Variants in SETBP1 observed in about 807,000 individuals in gnomAD.
SETBP1 encodes the protein SET binding protein 1.
In SETBP1, 9 loss-of-function variants were observed where a neutral mutation model predicts 101.0. The ratio of observed to expected loss-of-function variants is 0.09; its 90% CI spans 0.05 to 0.16. The LOEUF (loss-of-function observed/expected upper bound fraction) is 0.16. Among genes scored for constraint, SETBP1 ranks in the 10% least tolerant of loss-of-function variants. SETBP1 has a pLI of 1.00. For synonymous variants in SETBP1, 818 were observed against 788.5 expected (o/e 1.04, Z -0.63); for missense variants, 1,858 against 2,033.8 (o/e 0.91, Z 1.66).
intron 3 of SETBP1, among the ~76,000 whole-genome samples, chr18:44,917,095 C>A (rs370178562): frequency 6.6e-6 from 1 of 152,300 alleles, no homozygotes; most frequent in East Asian, 1.9e-4. Context: ...TGGAGATAGC[C>A]CTATTCTCCA....
intron 2 of SETBP1, among the ~76,000 whole-genome samples, chr18:44,839,715 T>C (rs1024979634): frequency 6.6e-6 from 1 of 152,188 alleles, no homozygotes; most frequent in Non-Finnish European, 1.5e-5. Flanking sequence ...AGGTCTGAGA[T>C]GAAAGATAGA....
At chr18:44,846,105 G>A (rs1269446634) in intron 2 of SETBP1, among the ~76,000 whole-genome samples, 1 of 152,170 alleles carries the variant, frequency 6.6e-6, no homozygotes, top group African/African-American at 2.4e-5. Flanking sequence ...TCCTTAATGG[G>A]CTGCAGTCTC....
At chr18:44,937,686 C>T (rs2070994478) in intron 3 of SETBP1, among the ~76,000 whole-genome samples, 1 of 152,138 alleles carries the variant, frequency 6.6e-6, no homozygotes, top group Non-Finnish European at 1.5e-5. Flanking sequence ...ATCTCAGATG[C>T]TAGTCCTTGA....
intron 2 of SETBP1, among the ~76,000 whole-genome samples, chr18:44,749,532 C>T (rs185158862): frequency 6.6e-6 from 1 of 152,274 alleles, no homozygotes; most frequent in East Asian, 1.9e-4. Flanking sequence ...GAAGCAATTT[C>T]TTCTTTTAGC....
intron 1 of SETBP1, among the ~76,000 whole-genome samples, chr18:44,689,408 C>T (rs2068892123): frequency 2.0e-5 from 3 of 152,182 alleles, no homozygotes; most frequent in Admixed American, 2.0e-4. Context: ...ACCCAGGGCC[C>T]TCTATGTCAG....
At chr18:44,764,114 T>G (rs2070715260) in intron 2 of SETBP1, among the ~76,000 whole-genome samples, 1 of 152,250 alleles carries the variant, frequency 6.6e-6, no homozygotes, top group Admixed American at 6.5e-5. Context: ...TGGCTCCCCA[T>G]TTCATTTTGT....
intron 2 of SETBP1, among the ~76,000 whole-genome samples, chr18:44,724,504 C>T (rs2069665924): frequency 6.6e-6 from 1 of 152,156 alleles, no homozygotes; most frequent in Non-Finnish European, 1.5e-5. Context: ...GATTGTCTCT[C>T]ATCCACTGTG....
chr18:44,852,968 G>A (rs997321387), intron 2 of SETBP1, among the ~76,000 whole-genome samples: 7 of 152,206 alleles, frequency 4.6e-5, no homozygotes, highest in Non-Finnish European at 1.0e-4. Context: ...GGAGGGAAGG[G>A]AGATAAGTGG....
At chr18:44,864,652 T>C (rs933400460) in intron 2 of SETBP1, among the ~76,000 whole-genome samples, 1 of 152,128 alleles carries the variant, frequency 6.6e-6, no homozygotes, top group African/African-American at 2.4e-5. Context: ...AATTTTCTCC[T>C]TCCTTTGCCT....
chr18:44,899,651 T>C (rs993849297), intron 3 of SETBP1, among the ~76,000 whole-genome samples: 1 of 152,204 alleles, frequency 6.6e-6, no homozygotes, highest in African/African-American at 2.4e-5. Context: ...TCTGAAATTC[T>C]TAATCTTTGA....
intron 2 of SETBP1, among the ~76,000 whole-genome samples, chr18:44,761,771 C>T (rs544089319): frequency 2.6e-5 from 4 of 152,176 alleles, no homozygotes; most frequent in Non-Finnish European, 4.4e-5. Context: ...TGTATATGAG[C>T]CTCGTGATAA....
At chr18:44,942,588 G>A (rs900418539) in intron 3 of SETBP1, among the ~76,000 whole-genome samples, 5 of 152,148 alleles carry the variant, frequency 3.3e-5, no homozygotes, top group Non-Finnish European at 5.9e-5. Context: ...GAAAACTAGG[G>A]CTACTCTGGA....
At chr18:44,955,750 C>T (rs560687879) in intron 4 of SETBP1, among the ~76,000 whole-genome samples, 1 of 152,166 alleles carries the variant, frequency 6.6e-6, no homozygotes, top group East Asian at 1.9e-4. Context: ...GAACACAGCT[C>T]TTGGTGCCCA....
intron 2 of SETBP1, among the ~76,000 whole-genome samples, chr18:44,843,356 A>G (rs1355199935): frequency 6.6e-6 from 1 of 152,140 alleles, no homozygotes; most frequent in East Asian, 1.9e-4. Flanking sequence ...ACTCATGCAC[A>G]CCACACCCCT....
At chr18:45,000,839 T>C (rs2072603201) in intron 4 of SETBP1, among the ~76,000 whole-genome samples, 1 of 146,418 alleles carries the variant, frequency 6.8e-6, no homozygotes, top group African/African-American at 2.6e-5. Flanking sequence ...TAGGAAGCTC[T>C]GTACTAGACA....
At chr18:44,894,391 C>T (rs953224777) in intron 3 of SETBP1, among the ~76,000 whole-genome samples, 9 of 151,836 alleles carry the variant, frequency 5.9e-5, no homozygotes, top group African/African-American at 2.2e-4. Flanking sequence ...GATCATCTTA[C>T]TTGGATCATT....
intron 2 of SETBP1, among the ~76,000 whole-genome samples, chr18:44,824,312 C>T (rs2072185235): frequency 6.6e-6 from 1 of 152,144 alleles, no homozygotes; most frequent in Non-Finnish European, 1.5e-5. Flanking sequence ...CGGTGGTGCC[C>T]ATCTAGTCTC....
At chr18:44,849,168 C>T (rs1035257883) in intron 2 of SETBP1, among the ~76,000 whole-genome samples, 4 of 152,076 alleles carry the variant, frequency 2.6e-5, no homozygotes, top group Admixed American at 1.3e-4. Flanking sequence ...GCACAGAGCC[C>T]GTATGCTTCT....
intron 2 of SETBP1, among the ~76,000 whole-genome samples, chr18:44,827,220 G>A (rs2072257463): frequency 6.6e-6 from 1 of 152,104 alleles, no homozygotes; most frequent in Admixed American, 6.5e-5. Flanking sequence ...TCTAATTAAG[G>A]AACTTCCCAA....
Sources: gnomAD v4.1 joint callset for allele counts (sites outside exome capture counted in the v4.1 genomes callset) on GRCh38, gnomAD v4.1.1 for gene constraint, MANE v1.5 for transcripts, NCBI Gene and HGNC (gene_info 2026-07-23, HGNC 2026-07-21) for gene names.